Variants in NRG4 observed in about 807,000 individuals in gnomAD.
NRG4 encodes pro-neuregulin-4, membrane-bound isoform.
In NRG4, 10 loss-of-function variants were observed where a neutral mutation model predicts 15.0. That is an observed-to-expected ratio of 0.67 (90% CI 0.41 to 1.13). The LOEUF (loss-of-function observed/expected upper bound fraction) is 1.13, where lower values mean the gene tolerates loss of function less well. NRG4 is among the 50% of genes most tolerant of loss of function. The pLI is 0.00. For synonymous variants in NRG4, 41 were observed against 50.1 expected (o/e 0.82, Z 0.77); for missense variants, 139 against 140.2 (o/e 0.99, Z 0.04).
At chr15:75,985,738 T>TA (rs2033777527) in intron 3 of NRG4, among the ~76,000 whole-genome samples, 3 of 151,908 alleles carry the variant, frequency 2.0e-5, no homozygotes, top group African/African-American at 7.3e-5. Flanking sequence ...ATCTTGAATA[T>TA]AAAAAATCAA....
chr15:75,993,507 C>T (rs1446873154), intron 3 of NRG4, among the ~76,000 whole-genome samples: 1 of 151,532 alleles, frequency 6.6e-6, no homozygotes, highest in Non-Finnish European at 1.5e-5. Context: ...CAAGACCAGC[C>T]TGGCCAGCAT....
chr15:76,033,722 A>G (rs1203731471), intron 5 of NRG4, among the ~76,000 whole-genome samples: 2 of 152,110 alleles, frequency 1.3e-5, no homozygotes, highest in Non-Finnish European at 2.9e-5. Context: ...TTTATTGCCT[A>G]ATGGTTCCAA....
At chr15:76,036,692 G>T (rs2035604364) in intron 4 of NRG4, among the ~76,000 whole-genome samples, 1 of 152,164 alleles carries the variant, frequency 6.6e-6, no homozygotes, top group Admixed American at 6.5e-5. Context: ...CATGTAAAAT[G>T]CCTGGAACAT....
intron 4 of NRG4, among the ~76,000 whole-genome samples, chr15:76,045,141 G>A (rs2035839461): frequency 6.6e-6 from 1 of 150,818 alleles, no homozygotes; most frequent in Non-Finnish European, 1.5e-5. Context: ...AGATCTGAAC[G>A]GACATTTCTC....
At chr15:76,058,515 G>T (rs2036211160) in intron 1 of NRG4, among the ~76,000 whole-genome samples, 1 of 152,158 alleles carries the variant, frequency 6.6e-6, no homozygotes, top group South Asian at 2.1e-4. Context: ...ATTCCAAGAG[G>T]TGGTTTTGAA....
At chr15:76,021,341 A>C (rs894119704) in intron 5 of NRG4, among the ~76,000 whole-genome samples, 1 of 152,364 alleles carries the variant, frequency 6.6e-6, no homozygotes, top group Admixed American at 6.5e-5. Flanking sequence ...ACAATAAAGT[A>C]TTTTTAAATT....
intron 3 of NRG4, among the ~76,000 whole-genome samples, chr15:75,986,406 C>A (rs112844181): frequency 0.021 from 3,193 of 152,212 alleles, 113 homozygotes; most frequent in African/African-American, 0.072. Flanking sequence ...AGATAAGTAA[C>A]AACCCAAATG....
intron 3 of NRG4, among the ~76,000 whole-genome samples, chr15:75,999,717 G>C (rs2034339230): frequency 6.6e-6 from 1 of 152,112 alleles, no homozygotes; most frequent in Admixed American, 6.6e-5. Flanking sequence ...GATAAATCTG[G>C]ATCTATATCT....
chr15:76,001,953 T>C (rs1011235117), intron 3 of NRG4, among the ~76,000 whole-genome samples: 12 of 152,050 alleles, frequency 7.9e-5, no homozygotes. Flanking sequence ...GCTCAAAAGC[T>C]CCAAAGTGCG....
intron 3 of NRG4, among the ~76,000 whole-genome samples, chr15:75,975,698 G>T (rs1041676908): frequency 6.6e-6 from 1 of 152,272 alleles, no homozygotes; most frequent in South Asian, 2.1e-4. Context: ...CTGGCTTGTA[G>T]GGTTTCTGCA....
chr15:76,047,571 A>C lies in NRG4; in HGVS notation c.-105+4496T>G, dbSNP rs1459111259. On this transcript the variant is annotated intron_variant, in intron 4 of 8. Coordinates refer to the NRG4 transcript ENST00000563910. ...CATATATAGAAGCTAAAAAAAATGA[A>C]TCTCATGAAGACAGAGAGTAGAATG... is the stretch of plus-strand genomic sequence containing the variant. Among the ~76,000 whole-genome samples, 3 of 150,844 alleles carry C rather than the reference A, an allele frequency of 2.0e-5. 1 individual carries two copies. The highest frequency in any genetic ancestry group is 6.6e-5 in the Admixed American group (1 of 15,212).
intron 3 of NRG4, among the ~76,000 whole-genome samples, chr15:75,980,118 G>A (rs550763273): frequency 3.8e-4 from 58 of 152,238 alleles, no homozygotes; most frequent in Non-Finnish European, 7.1e-4. Context: ...ATATGAGAAA[G>A]AATTTGGCTT....
chr15:76,016,863 C>G (rs2034994066), upstream of NRG4, among the ~76,000 whole-genome samples: 1 of 152,122 alleles, frequency 6.6e-6, no homozygotes, highest in Admixed American at 6.5e-5. Flanking sequence ...TGGTCCAGAG[C>G]TGAGTTCAAG....
rs577033213 is a variant in NRG4, at chr15:76,052,389, C to T, written c.-215-212G>A. Among the ~76,000 whole-genome samples, 107 of 151,022 alleles carry T rather than the reference C, an allele frequency of 7.1e-4. 4 individuals are homozygous for T. The highest frequency in any genetic ancestry group is 1.3e-3 in the Non-Finnish European group (89 of 67,866). ...CACAACTTTTTAAGTCCCAGAAAAA[C>T]TACTGTTACTATTTCCAAATAAAAG... On this transcript the variant is annotated intron_variant, in intron 3 of 8. Coordinates refer to the NRG4 transcript ENST00000563910.
intron 2 of NRG4, among the ~76,000 whole-genome samples, chr15:76,056,553 C>A (rs1459464435): frequency 6.6e-6 from 1 of 152,120 alleles, no homozygotes; most frequent in Non-Finnish European, 1.5e-5. Flanking sequence ...ATAAATACCA[C>A]ACAAAGTCAC....
intron 3 of NRG4, among the ~76,000 whole-genome samples, chr15:75,990,124 C>A (rs929779942): frequency 6.6e-6 from 1 of 152,162 alleles, no homozygotes; most frequent in Non-Finnish European, 1.5e-5. Flanking sequence ...TGTTCACCTT[C>A]GAGCTTCCCA....
chr15:75,992,916 C>CTTT, intron 3 of NRG4, among the ~76,000 whole-genome samples: 1 of 144,724 alleles, frequency 6.9e-6, no homozygotes, highest in East Asian at 2.0e-4. Context: ...TTGATGGACA[C>CTTT]TTTTTTTTTT....
At chr15:75,953,175 C>T (rs1720035289) in intron 5 of NRG4, among the ~76,000 whole-genome samples, 1 of 152,110 alleles carries the variant, frequency 6.6e-6, no homozygotes, top group African/African-American at 2.4e-5. Context: ...GATCTTTGAT[C>T]CATTTTGAGT....
chr15:75,998,197 G>A (rs59819402), intron 3 of NRG4, among the ~76,000 whole-genome samples: 5,580 of 152,238 alleles, frequency 0.037, 175 homozygotes, highest in African/African-American at 0.084. Flanking sequence ...CTAGATGCAC[G>A]GAAAATCTCA....
Sources: gnomAD v4.1 joint callset for allele counts (sites outside exome capture counted in the v4.1 genomes callset) on GRCh38, gnomAD v4.1.1 for gene constraint, MANE v1.5 for transcripts, NCBI Gene and HGNC (gene_info 2026-07-23, HGNC 2026-07-21) for gene names.